ATP2C2: variants seen among roughly 807,000 people sequenced by gnomAD.
ATP2C2 encodes the protein ATPase secretory pathway Ca2+ transporting 2.
ATP2C2 carries 171 observed loss-of-function variants against 110.8 expected under a neutral mutation model. The ratio of observed to expected loss-of-function variants is 1.54; its 90% CI spans 1.36 to 1.75. ATP2C2 has a LOEUF of 1.75. Ranked by LOEUF, ATP2C2 falls within the 40% of genes most tolerant of loss-of-function variation. The pLI is 0.00. For missense variants in ATP2C2, 1,963 were observed against 1,235.0 expected (o/e 1.59, Z -8.84); for synonymous variants, 804 against 508.4 (o/e 1.58, Z -7.82).
In ATP2C2 at chr16:84,440,298, G is replaced by A. The variant is rs182766492; in HGVS notation, c.1210-559G>A. Among the ~76,000 whole-genome samples the A allele has an allele frequency of 1.7e-4, 26 of 152,330 alleles. No homozygotes were observed. In the East Asian group the frequency reaches 2.5e-3, roughly 15 times the overall value. Reference sequence around the variant, plus strand: ...TTTCAGTGTCCTCTGCGTGCTTGGCGTAATTGGAAGCTCTCTGAATGTGCA... The same window carrying A: ...TTTCAGTGTCCTCTGCGTGCTTGGCATAATTGGAAGCTCTCTGAATGTGCA... On this transcript the variant is annotated intron_variant, in intron 13 of 26. Transcript: ENST00000262429.
intron 11 of ATP2C2, among the ~76,000 whole-genome samples, chr16:84,431,406 GA>G: frequency 1.3e-5 from 2 of 152,134 alleles, no homozygotes. Flanking sequence ...TGAGGCAGGA[GA>G]ATCGCTTGAA....
At chr16:84,371,086 G>T (rs1227755946) in intron 1 of ATP2C2, among the ~76,000 whole-genome samples, 1 of 152,156 alleles carries the variant, frequency 6.6e-6, no homozygotes, top group Admixed American at 6.6e-5. Context: ...CTTTATTTGA[G>T]ACCCAGTGGT....
chr16:84,458,974 C>G (rs1910966607), intron 21 of ATP2C2, 146 bp from the exon 22 acceptor site: 1 of 837,022 alleles, frequency 1.2e-6, no homozygotes, highest in Non-Finnish European at 1.9e-6. Flanking sequence ...AAATGTGTCC[C>G]CAAGAATGCC....
At chr16:84,389,818 C>T (rs59556366) in intron 1 of ATP2C2, among the ~76,000 whole-genome samples, 1,585 of 150,772 alleles carry the variant, frequency 0.011, 27 homozygotes, top group African/African-American at 0.035. Flanking sequence ...CCTCCTGGGT[C>T]CAAGCAGTTC....
At chr16:84,373,511 A>G (rs1910079986) in intron 1 of ATP2C2, among the ~76,000 whole-genome samples, 1 of 152,006 alleles carries the variant, frequency 6.6e-6, no homozygotes, top group Non-Finnish European at 1.5e-5. Context: ...AAACAACAAC[A>G]ACAAAAAAAG....
At chr16:84,410,843 A>G (rs781742563) in intron 6 of ATP2C2, 78 bp downstream of exon 6, 10 of 1,419,504 alleles carry the variant, frequency 7.0e-6, no homozygotes, top group Admixed American at 1.7e-5. Flanking sequence ...ATGTTTGCTG[A>G]AAGTTGTATC....
chr16:84,437,477 C>G (rs1017519249), intron 11 of ATP2C2, among the ~76,000 whole-genome samples: 3 of 152,134 alleles, frequency 2.0e-5, no homozygotes, highest in African/African-American at 7.2e-5. Flanking sequence ...TCCCAAAGTG[C>G]TGGTATTATA....
intron 1 of ATP2C2, among the ~76,000 whole-genome samples, chr16:84,388,119 G>C (rs1302408303): frequency 1.3e-5 from 2 of 152,024 alleles, no homozygotes; most frequent in Non-Finnish European, 2.9e-5. Flanking sequence ...ATCACCTGAG[G>C]TCAGGAGACC....
Position 84,440,756 on chromosome 16 carries a change from T to C in ATP2C2, c.1210-101T>C. 5 of 842,174 alleles carry C rather than the reference T, an allele frequency of 5.9e-6. 1 individual carries two copies. In the South Asian group the frequency reaches 7.3e-5, roughly 12 times the overall value. 52.2% of individuals were successfully genotyped at this position (842,174 alleles called of 1,614,324 possible). ...CTGAAAGCCCTGTCCACGTTTAGGA[T>C]TGTGTCCCTGGAATGGATCCCCAGG... On this transcript the variant is annotated intron_variant, in intron 13 of 26. Transcript: ENST00000262429.
intron 1 of ATP2C2, among the ~76,000 whole-genome samples, chr16:84,382,639 A>G (rs1910645251): frequency 6.6e-6 from 1 of 152,178 alleles, no homozygotes; most frequent in Non-Finnish European, 1.5e-5. Context: ...CACACCTGTA[A>G]TCCTAGCACT....
chr16:84,378,774 A>G (rs568527646), intron 1 of ATP2C2, among the ~76,000 whole-genome samples: 44 of 152,330 alleles, frequency 2.9e-4, no homozygotes, highest in African/African-American at 9.9e-4. Flanking sequence ...AAGAATCTCA[A>G]GAAGGCGGCA....
intron 3 of ATP2C2, among the ~76,000 whole-genome samples, chr16:84,406,158 G>T (rs1442970041): frequency 1.3e-5 from 2 of 152,226 alleles, no homozygotes; most frequent in African/African-American, 2.4e-5. Context: ...TCCCTTGCTA[G>T]CTGCTGCCAT....
At chr16:84,400,835 T>C (rs374915488) in intron 2 of ATP2C2, among the ~76,000 whole-genome samples, 24 of 152,362 alleles carry the variant, frequency 1.6e-4, no homozygotes, top group East Asian at 5.8e-4. Flanking sequence ...TGAGCACCTT[T>C]TCATGTACCT....
At position 84,461,725 on chromosome 16, in the gene ATP2C2, C is replaced by T. The variant is rs1911361739; in HGVS notation, c.2493C>T (p.Asp831=). The T allele has an allele frequency of 1.9e-6, 3 of 1,614,008 alleles. No individual in the cohort carries two copies. Among genetic ancestry groups the T allele is most frequent in the African/African-American group, 1.3e-5 (1 of 74,916 alleles). Residue 831 remains aspartate (D), a synonymous_variant, in exon 25 of 27, where the codon GAC becomes GAT. Coordinates refer to ENST00000262429, the MANE Select transcript of ATP2C2 (RefSeq NM_014861.4). ...TGCTCACCTTCCAGATGCCTGAAGACAGAGCAAGCACTCCCCGCACCACGA... is the reference window on the plus strand; with the variant it reads ...TGCTCACCTTCCAGATGCCTGAAGATAGAGCAAGCACTCCCCGCACCACGA... The part of the protein sequence containing the change: ...LFIFWKEMPE[D]RASTPRTTTM...
intron 15 of ATP2C2, among the ~76,000 whole-genome samples, chr16:84,442,848 T>C (rs1288135153): frequency 6.6e-6 from 1 of 152,152 alleles, no homozygotes; most frequent in Non-Finnish European, 1.5e-5. Flanking sequence ...TCCTATGAGC[T>C]TCCCTGTGGT....
chr16:84,426,262 T>G (rs1003107001), intron 11 of ATP2C2, among the ~76,000 whole-genome samples: 1 of 152,008 alleles, frequency 6.6e-6, no homozygotes, highest in Non-Finnish European at 1.5e-5. Flanking sequence ...AGATGCCACA[T>G]GCTTTGAAAC....
intron 11 of ATP2C2, among the ~76,000 whole-genome samples, chr16:84,434,920 G>A (rs992932306): frequency 7.9e-5 from 12 of 152,134 alleles, no homozygotes; most frequent in Admixed American, 2.6e-4. Flanking sequence ...GAAAGTCCCC[G>A]TCGTAACCCT....
At chr16:84,443,263 A>T (rs1909435033) in intron 15 of ATP2C2, among the ~76,000 whole-genome samples, 1 of 152,170 alleles carries the variant, frequency 6.6e-6, no homozygotes. Flanking sequence ...GAGCAAAGGA[A>T]GGAAGAAGGT....
chr16:84,446,267 G>T, intron 15 of ATP2C2, 62 bp from the exon 16 acceptor site: 1 of 959,042 alleles, frequency 1.0e-6, no homozygotes, highest in Non-Finnish European at 1.5e-6. Context: ...TAAATGGACT[G>T]AGCTTTGTAT....
Sources: gnomAD v4.1 joint callset for allele counts (sites outside exome capture counted in the v4.1 genomes callset) on GRCh38, gnomAD v4.1.1 for gene constraint, MANE v1.5 for transcripts, NCBI Gene and HGNC (gene_info 2026-07-23, HGNC 2026-07-21) for gene names.